SCAPER: variants seen among roughly 807,000 people sequenced by gnomAD.
SCAPER encodes the protein S phase cyclin A-associated protein in the endoplasmic reticulum.
SCAPER carries 98 observed loss-of-function variants against 182.2 expected under a neutral mutation model. The ratio of observed to expected loss-of-function variants is 0.54; its 90% CI spans 0.46 to 0.64. The LOEUF (loss-of-function observed/expected upper bound fraction) is 0.64, where lower values mean the gene tolerates loss of function less well. Among genes scored for constraint, SCAPER ranks in the 30% least tolerant of loss-of-function variants. SCAPER has a pLI of 0.00. For missense variants in SCAPER, 1,432 were observed against 1,690.0 expected (o/e 0.85, Z 2.68); for synonymous variants, 605 against 564.6 (o/e 1.07, Z -1.01).
intron 23 of SCAPER, among the ~76,000 whole-genome samples, chr15:76,516,548 CT>C (rs984602417): frequency 1.8e-4 from 27 of 152,160 alleles, no homozygotes; most frequent in African/African-American, 5.3e-4. Context: ...TGAACTCATC[CT>C]TTTTTTATGG....
chr15:76,715,162 C>T (rs1241915397), intron 17 of SCAPER, among the ~76,000 whole-genome samples: 2 of 151,944 alleles, frequency 1.3e-5, no homozygotes, highest in Non-Finnish European at 2.9e-5. Flanking sequence ...ACAGTTGATA[C>T]CTCCCCCAGA....
intron 15 of SCAPER, 144 bp from the exon 16 acceptor site, chr15:76,733,528 C>G (rs555940228): frequency 1.1e-6 from 1 of 908,296 alleles, no homozygotes; most frequent in Non-Finnish European, 1.6e-6. Flanking sequence ...GAAGGCGGAT[C>G]ACCTGAAGTT....
At chr15:76,687,610 G>C (rs1267449366) in intron 20 of SCAPER, among the ~76,000 whole-genome samples, 2 of 152,016 alleles carry the variant, frequency 1.3e-5, no homozygotes, top group Non-Finnish European at 2.9e-5. Flanking sequence ...TCCCCAACAG[G>C]CCCCGGTGCG....
intron 20 of SCAPER, among the ~76,000 whole-genome samples, chr15:76,681,422 A>T (rs2057695335): frequency 6.6e-6 from 1 of 152,238 alleles, no homozygotes; most frequent in Non-Finnish European, 1.5e-5. Context: ...AGACCCATCT[A>T]AGACCAAAGG....
chr15:76,548,584 A>C (rs1470377792), intron 23 of SCAPER, among the ~76,000 whole-genome samples: 1 of 152,234 alleles, frequency 6.6e-6, no homozygotes, highest in East Asian at 1.9e-4. Flanking sequence ...ACTGGTGAGT[A>C]TTCTCAAGGC....
intron 29 of SCAPER, among the ~76,000 whole-genome samples, chr15:76,369,685 A>G (rs1398670017): frequency 6.6e-6 from 1 of 152,274 alleles, no homozygotes; most frequent in Non-Finnish European, 1.5e-5. Context: ...TCGTGGGGGC[A>G]GTAGAAAGGG....
chr15:76,744,245 G>GT (rs2061684718), intron 15 of SCAPER, among the ~76,000 whole-genome samples: 1 of 151,990 alleles, frequency 6.6e-6, no homozygotes, highest in Non-Finnish European at 1.5e-5. Flanking sequence ...AATTTTGGCT[G>GT]TATCTCCAAA....
At chr15:76,495,229 C>T (rs2143504152) in intron 24 of SCAPER, among the ~76,000 whole-genome samples, 1 of 152,106 alleles carries the variant, frequency 6.6e-6, no homozygotes, top group South Asian at 2.1e-4. Flanking sequence ...GGTAAAACAA[C>T]AACCCAATCC....
At chr15:76,370,239 TTTTG>T (rs895459232) in intron 29 of SCAPER, among the ~76,000 whole-genome samples, 2 of 151,960 alleles carry the variant, frequency 1.3e-5, no homozygotes, top group African/African-American at 4.8e-5. Context: ...TCCACTTCTT[TTTTG>T]TTTACTTCAT....
chr15:76,441,600 A>C (rs1405686689), intron 25 of SCAPER, among the ~76,000 whole-genome samples: 1 of 152,126 alleles, frequency 6.6e-6, no homozygotes, highest in Non-Finnish European at 1.5e-5. Context: ...GCATTCTGGT[A>C]TTTCCTCTGC....
chr15:76,672,683 G>C (rs764557200), intron 20 of SCAPER, among the ~76,000 whole-genome samples: 9 of 151,944 alleles, frequency 5.9e-5, no homozygotes, highest in Non-Finnish European at 1.0e-4. Context: ...CAAAGTAAGT[G>C]GAAATACTGC....
intron 1 of SCAPER, among the ~76,000 whole-genome samples, chr15:76,901,185 G>A (rs191037048): frequency 2.0e-5 from 3 of 152,216 alleles, no homozygotes; most frequent in African/African-American, 7.2e-5. Context: ...AGCTGAGATC[G>A]CACCACTGCA....
chr15:76,720,851 A>T (rs978666486), intron 17 of SCAPER, among the ~76,000 whole-genome samples: 1 of 152,158 alleles, frequency 6.6e-6, no homozygotes, highest in African/African-American at 2.4e-5. Context: ...GTAGGTTGCA[A>T]AAATTTTCTC....
At chr15:76,638,949 G>A (rs1393578432) in intron 21 of SCAPER, among the ~76,000 whole-genome samples, 1 of 152,150 alleles carries the variant, frequency 6.6e-6, no homozygotes, top group African/African-American at 2.4e-5. Context: ...ACACTAACAG[G>A]TTAAGAAGCT....
chr15:76,657,466 A>C (rs1201737901), intron 21 of SCAPER, among the ~76,000 whole-genome samples: 1 of 151,984 alleles, frequency 6.6e-6, no homozygotes, highest in East Asian at 1.9e-4. Context: ...CACCAAATGT[A>C]TAAAGAAGAG....
chr15:76,463,560 T>C (rs900546368), intron 25 of SCAPER, among the ~76,000 whole-genome samples: 31 of 152,226 alleles, frequency 2.0e-4, no homozygotes, highest in African/African-American at 7.5e-4. Flanking sequence ...CAAAAATACA[T>C]ACACACAATT....
intron 1 of SCAPER, among the ~76,000 whole-genome samples, chr15:76,902,131 T>G (rs2074821691): frequency 6.6e-6 from 1 of 152,188 alleles, no homozygotes; most frequent in South Asian, 2.1e-4. Flanking sequence ...TGAAAAAGGT[T>G]AGCTACAAAT....
At chr15:76,686,013 T>C (rs2058019954) in intron 20 of SCAPER, among the ~76,000 whole-genome samples, 1 of 152,020 alleles carries the variant, frequency 6.6e-6, no homozygotes, top group South Asian at 2.1e-4. Context: ...TAACGTAAGA[T>C]AGAGAAGATT....
intron 5 of SCAPER, among the ~76,000 whole-genome samples, chr15:76,830,254 T>C (rs2068348897): frequency 1.3e-5 from 2 of 152,126 alleles, no homozygotes; most frequent in African/African-American, 4.8e-5. Context: ...GAAGAATTCA[T>C]AGATCAAGTC....
Sources: allele counts gnomAD v4.1 joint callset (sites outside exome capture counted in the v4.1 genomes callset), GRCh38; gene constraint gnomAD v4.1.1; transcripts MANE v1.5; gene names NCBI Gene and HGNC (gene_info 2026-07-23, HGNC 2026-07-21).